Variants in ARAP2 observed in about 807,000 individuals in gnomAD.
The protein encoded by ARAP2 is arf-GAP with Rho-GAP domain, ANK repeat and PH domain-containing protein 2.
ARAP2 carries 148 observed loss-of-function variants against 194.5 expected under a neutral mutation model. The observed-to-expected ratio is 0.76, with a 90% CI of 0.67 to 0.87. The LOEUF (loss-of-function observed/expected upper bound fraction) is 0.87, where lower values mean the gene tolerates loss of function less well. ARAP2 is among the 40% of genes least tolerant of loss of function. The pLI is 0.00. For synonymous variants in ARAP2, 695 were observed against 683.5 expected, an observed-to-expected ratio of 1.02 and a Z score of -0.26; for missense variants, 2,128 against 1,989.7, an observed-to-expected ratio of 1.07 and a Z score of -1.32.
intron 5 of ARAP2, among the ~76,000 whole-genome samples, chr4:36,037,758 AT>A (rs1720185618): frequency 6.6e-6 from 1 of 152,164 alleles, no homozygotes; most frequent in Non-Finnish European, 1.5e-5. Flanking sequence ...TTCAAAAAAA[AT>A]CTTTTTAAAA....
intron 5 of ARAP2, among the ~76,000 whole-genome samples, chr4:36,042,615 A>AT: frequency 6.6e-6 from 1 of 152,240 alleles, no homozygotes; most frequent in African/African-American, 2.4e-5. Context: ...CACTGTTTCT[A>AT]TTTTTTAGAT....
At chr4:36,053,936 A>G (rs1723088298) in intron 2 of ARAP2, among the ~76,000 whole-genome samples, 1 of 152,212 alleles carries the variant, frequency 6.6e-6, no homozygotes, top group South Asian at 2.1e-4. Context: ...CACAACAAAT[A>G]TTTTTAAATG....
At chr4:36,105,962 T>C (rs1200911496) in intron 27 of ARAP2, among the ~76,000 whole-genome samples, 2 of 151,780 alleles carry the variant, frequency 1.3e-5, no homozygotes, top group East Asian at 1.9e-4. Flanking sequence ...AAGAAACAAA[T>C]AAAAATTTCA....
chr4:36,191,788 C>T (rs1741965989), intron 7 of ARAP2, among the ~76,000 whole-genome samples: 1 of 151,976 alleles, frequency 6.6e-6, no homozygotes, highest in Non-Finnish European at 1.5e-5. Context: ...GATCACAGGG[C>T]AATTCTGCCC....
intron 2 of ARAP2, among the ~76,000 whole-genome samples, chr4:36,055,572 T>A (rs1007808113): frequency 6.6e-6 from 1 of 152,178 alleles, no homozygotes; most frequent in African/African-American, 2.4e-5. Flanking sequence ...TTTTATTTAT[T>A]TATTTTTTTG....
chr4:36,055,722 A>G (rs1373346891), intron 2 of ARAP2, among the ~76,000 whole-genome samples: 1 of 151,808 alleles, frequency 6.6e-6, no homozygotes, highest in East Asian at 1.9e-4. Context: ...TACCACCATG[A>G]CAAGCTAATT....
chr4:36,152,350 C>A (rs1731191871), intron 15 of ARAP2, among the ~76,000 whole-genome samples: 1 of 152,042 alleles, frequency 6.6e-6, no homozygotes, highest in Non-Finnish European at 1.5e-5. Context: ...TGAAAAGCCA[C>A]AATTTTTAAA....
chr4:36,178,036 A>G, intron 8 of ARAP2, 31 bp from the exon 9 acceptor site: 1 of 1,552,666 alleles, frequency 6.4e-7, no homozygotes, highest in South Asian at 1.2e-5. Context: ...AAATACATAA[A>G]TCCACATATA....
chr4:36,151,923 C>T lies in ARAP2; in HGVS notation c.2753-879G>A, dbSNP rs893334018. 2.0e-5 allele frequency among the ~76,000 whole-genome samples: 3 copies of T among 152,206 alleles called. No individual in the cohort carries two copies. In the South Asian group the frequency reaches 6.2e-4, roughly 32 times the overall value. ...GTATATGAGAATTATTTGAGCTATT[C>T]TTAGAACTTTTCTGTAAGTCTCAAA... On this transcript the variant is annotated intron_variant, in intron 15 of 32. Coordinates refer to ENST00000303965, the MANE Select transcript of ARAP2 (RefSeq NM_015230.4).
At chr4:36,105,814 T>C (rs1040558217) in intron 27 of ARAP2, among the ~76,000 whole-genome samples, 2 of 151,980 alleles carry the variant, frequency 1.3e-5, no homozygotes, top group African/African-American at 4.8e-5. Context: ...CCTTTTAGGA[T>C]CTAATTCTTA....
exon 3 of ARAP2, chr4:36,052,049 C>T (rs987134192): frequency 6.6e-6 from 1 of 152,172 alleles, no homozygotes; most frequent in African/African-American, 2.4e-5. Context: ...TAGAACAGTT[C>T]ATACCTGAAA....
At position 36,068,167 on chromosome 4, in the gene ARAP2, T is replaced by G. The variant is rs1450084663; in HGVS notation, c.4855A>C (p.Lys1619Gln). The part of the protein sequence containing the change: ...ASMVAHCLEH[K>Q]DDKLRNRPRK... ...GGTCGATTTCGAAGTTTATCGTCCTTGTGCTCCAGGCAGTGGGCCACCATG... is the reference window on the plus strand; with the variant it reads ...GGTCGATTTCGAAGTTTATCGTCCTGGTGCTCCAGGCAGTGGGCCACCATG... The change falls in exon 33 of 33, where the codon AAG becomes CAG. Residue 1619 changes from lysine (K) to glutamine (Q), a missense_variant. Physicochemically the swap from Lys to Gln is moderately conservative, Grantham distance 53. Coordinates refer to ENST00000303965, the MANE Select transcript of ARAP2 (RefSeq NM_015230.4). 7 of 1,613,768 alleles carry G rather than the reference T, an allele frequency of 4.3e-6. No homozygotes were observed. Among genetic ancestry groups the G allele is most frequent in the Non-Finnish European group, 5.9e-6 (7 of 1,179,742 alleles).
chr4:36,159,455 C>A lies in ARAP2; in HGVS notation c.2493G>T (p.Leu831Phe). 1.9e-6 allele frequency: 3 copies of A among 1,597,624 alleles called. No homozygotes were observed. The highest frequency in any genetic ancestry group is 1.1e-5 in the South Asian group (1 of 89,134). Residue 831 changes from leucine to phenylalanine, a missense_variant, in exon 14 of 33, where the codon TTG becomes TTT. Transcript: ENST00000303965. ...VKPDVLETMA[L>F]LFSGADVMCA... Reference sequence around the variant, plus strand: ...ACATGACATCTGCTCCACTGAACAGCAAAGCCATTGTTTCTAGAACATCCG... The same window carrying A: ...ACATGACATCTGCTCCACTGAACAGAAAAGCCATTGTTTCTAGAACATCCG...
intron 28 of ARAP2, 39 bp downstream of exon 28, chr4:36,091,842 C>T: frequency 6.5e-7 from 1 of 1,542,118 alleles, no homozygotes; most frequent in African/African-American, 1.4e-5. Context: ...ATGTTAATAC[C>T]CACACAAATA....
intron 27 of ARAP2, among the ~76,000 whole-genome samples, chr4:36,106,220 T>C (rs1324342572): frequency 6.6e-6 from 1 of 151,970 alleles, no homozygotes; most frequent in Non-Finnish European, 1.5e-5. Flanking sequence ...CATTCATACA[T>C]GTGCATTCAC....
intron 15 of ARAP2, among the ~76,000 whole-genome samples, chr4:36,155,204 T>C (rs889001035): frequency 1.3e-5 from 2 of 152,230 alleles, no homozygotes; most frequent in African/African-American, 4.8e-5. Flanking sequence ...AAAGATTTGA[T>C]AATCCTTGAC....
chr4:36,105,812 G>A (rs1345212946), intron 27 of ARAP2, among the ~76,000 whole-genome samples: 3 of 151,878 alleles, frequency 2.0e-5, no homozygotes, highest in Non-Finnish European at 4.4e-5. Context: ...AGCCTTTTAG[G>A]ATCTAATTCT....
intron 26 of ARAP2, 97 bp from the exon 27 acceptor site, chr4:36,107,790 C>G: frequency 8.8e-7 from 1 of 1,136,878 alleles, no homozygotes; most frequent in Admixed American, 2.7e-5. Flanking sequence ...TTGAAAACAT[C>G]TGTAGGCAAC....
intron 9 of ARAP2, among the ~76,000 whole-genome samples, chr4:36,175,269 C>T (rs1737620133): frequency 6.6e-6 from 1 of 152,158 alleles, no homozygotes; most frequent in African/African-American, 2.4e-5. Flanking sequence ...ATCAAATCAT[C>T]TTACTATTGT....
Sources: allele counts gnomAD v4.1 joint callset (sites outside exome capture counted in the v4.1 genomes callset), GRCh38; gene constraint gnomAD v4.1.1; transcripts MANE v1.5; gene names NCBI Gene and HGNC (gene_info 2026-07-23, HGNC 2026-07-21).